Variants in TASP1 observed in about 807,000 individuals in gnomAD.
TASP1 encodes the protein threonine aspartase 1.
TASP1 carries 16 observed loss-of-function variants against 56.6 expected under a neutral mutation model. The ratio of observed to expected loss-of-function variants is 0.28; its 90% CI spans 0.19 to 0.43. The LOEUF is 0.43. Ranked by LOEUF, TASP1 falls within the 20% of genes least tolerant of loss-of-function variation. The probability of loss-of-function intolerance (pLI) is 1.00; values close to 1 mark genes in which losing one functional copy is unlikely to be tolerated. For synonymous variants in TASP1, 179 were observed against 184.2 expected (o/e 0.97, Z 0.23); for missense variants, 393 against 511.6 (o/e 0.77, Z 2.24).
At chr20:13,292,676 C>T in the TASP1 span, among the ~76,000 whole-genome samples, 1 of 152,160 alleles carries the variant, frequency 6.6e-6, no homozygotes, top group Non-Finnish European at 1.5e-5. Context: ...TCTGTGTTCA[C>T]TCTGCTCTCT....
chr20:13,339,728 AT>A, the TASP1 span, among the ~76,000 whole-genome samples: 1 of 152,052 alleles, frequency 6.6e-6, no homozygotes, highest in East Asian at 1.9e-4. Flanking sequence ...AAGTGACAGT[AT>A]GTCAACCTTT....
the TASP1 span, among the ~76,000 whole-genome samples, chr20:13,236,894 T>C: frequency 0.067 from 10,249 of 152,304 alleles, 477 homozygotes; most frequent in Middle Eastern, 0.14. Flanking sequence ...GGGTACAGCC[T>C]CCCTCCAGCT....
intron 12 of TASP1, among the ~76,000 whole-genome samples, chr20:13,421,891 G>A (rs2042446447): frequency 1.3e-5 from 2 of 151,582 alleles, no homozygotes; most frequent in Non-Finnish European, 2.9e-5. Flanking sequence ...CAAATCTCTG[G>A]TCAAAACATT....
At chr20:13,526,154 G>A (rs993748386) in intron 10 of TASP1, among the ~76,000 whole-genome samples, 2 of 152,112 alleles carry the variant, frequency 1.3e-5, no homozygotes, top group Admixed American at 6.6e-5. Context: ...AATAAGGGTA[G>A]GGGACTGGTG....
chr20:13,471,229 A>C (rs1053523801), intron 11 of TASP1, among the ~76,000 whole-genome samples: 7 of 152,136 alleles, frequency 4.6e-5, no homozygotes, highest in Non-Finnish European at 7.4e-5. Flanking sequence ...ATGACATGTG[A>C]GCAGATCTGG....
chr20:13,551,099 T>C (rs1192131489), intron 8 of TASP1, among the ~76,000 whole-genome samples: 1 of 152,166 alleles, frequency 6.6e-6, no homozygotes, highest in African/African-American at 2.4e-5. Flanking sequence ...TGTGGCCAAT[T>C]TGATGTCCCT....
the TASP1 span, among the ~76,000 whole-genome samples, chr20:13,107,846 C>T: frequency 6.6e-6 from 1 of 150,528 alleles, no homozygotes; most frequent in East Asian, 1.9e-4. Flanking sequence ...AGGTAGCATA[C>T]TATATCTAAT....
chr20:13,632,139 C>T (rs1377279415), intron 1 of TASP1, among the ~76,000 whole-genome samples: 1 of 143,956 alleles, frequency 6.9e-6, no homozygotes, highest in East Asian at 2.1e-4. Context: ...CCGAGGCAGG[C>T]AGATCACAAG....
At chr20:13,258,883 T>C in the TASP1 span, among the ~76,000 whole-genome samples, 12 of 152,158 alleles carry the variant, frequency 7.9e-5, no homozygotes, top group Admixed American at 2.6e-4. Context: ...TGGTTCCGGC[T>C]TGTCAGTGCA....
chr20:13,407,482 G>T (rs2041964866), intron 13 of TASP1, among the ~76,000 whole-genome samples: 2 of 152,132 alleles, frequency 1.3e-5, no homozygotes, highest in African/African-American at 4.8e-5. Flanking sequence ...ATCAGTTGAT[G>T]GGCATTTGGA....
Position 13,524,847 on chromosome 20 carries a change from G to A in TASP1, c.874+3586C>T, listed in dbSNP as rs180777413. Among the ~76,000 whole-genome samples, 7 of 152,250 alleles carry A rather than the reference G, an allele frequency of 4.6e-5. No individual in the cohort carries two copies. In the East Asian group the frequency reaches 9.7e-4, roughly 21 times the overall value. ...TGTGTTGACCCTTCAGTTACGTGCCGTGTTGGAACTACATGTGTTGAGTTA... is the reference window on the plus strand; with the variant it reads ...TGTGTTGACCCTTCAGTTACGTGCCATGTTGGAACTACATGTGTTGAGTTA... On this transcript the variant is annotated intron_variant, in intron 10 of 13. Coordinates refer to ENST00000337743, the MANE Select transcript of TASP1 (RefSeq NM_017714.3).
chr20:13,163,559 A>G, the TASP1 span, among the ~76,000 whole-genome samples: 114 of 152,240 alleles, frequency 7.5e-4, no homozygotes, highest in African/African-American at 2.6e-3. Flanking sequence ...AACTTTGGTT[A>G]CTTTTTCTTA....
At chr20:13,260,171 C>T in the TASP1 span, among the ~76,000 whole-genome samples, 23 of 152,150 alleles carry the variant, frequency 1.5e-4, no homozygotes, top group Non-Finnish European at 2.8e-4. Flanking sequence ...GAACAGGTGC[C>T]GGTGGCAGGA....
In TASP1 at chr20:13,589,596, C is replaced by T. The variant is rs76957291; in HGVS notation, c.283-2226G>A. ...ACCAAAAATACAACCAAAGAAAAAA[C>T]TAGGTAAATAGGACTTCATCAAAAT... On this transcript the variant is annotated intron_variant, in intron 4 of 13. Transcript: ENST00000337743. Among the ~76,000 whole-genome samples, 1,247 of 151,814 alleles carry T rather than the reference C, an allele frequency of 8.2e-3. 16 individuals are homozygous for T. The highest frequency in any genetic ancestry group is 0.026 in the African/African-American group (1,096 of 41,392).
chr20:13,425,057 C>T (rs1231951613), intron 12 of TASP1, among the ~76,000 whole-genome samples: 2 of 152,190 alleles, frequency 1.3e-5, no homozygotes, highest in African/African-American at 4.8e-5. Flanking sequence ...TAAGAACCTT[C>T]AGGATGTATT....
chr20:13,139,433 T>C, the TASP1 span, among the ~76,000 whole-genome samples: 2 of 152,220 alleles, frequency 1.3e-5, no homozygotes, highest in Non-Finnish European at 2.9e-5. Flanking sequence ...GGTGTTTCTG[T>C]TGGGCAAGAC....
chr20:13,443,026 A>C (rs2043278626), intron 11 of TASP1, among the ~76,000 whole-genome samples: 1 of 152,170 alleles, frequency 6.6e-6, no homozygotes, highest in African/African-American at 2.4e-5. Context: ...GTGAGGACTG[A>C]ATTTGTATGT....
At chr20:13,209,057 T>C in the TASP1 span, among the ~76,000 whole-genome samples, 2 of 152,178 alleles carry the variant, frequency 1.3e-5, no homozygotes, top group Non-Finnish European at 2.9e-5. Context: ...AAACCTTATA[T>C]GTGCTTGTGT....
the TASP1 span, among the ~76,000 whole-genome samples, chr20:13,208,644 G>A: frequency 1.3e-5 from 2 of 152,168 alleles, no homozygotes; most frequent in South Asian, 4.1e-4. Context: ...TCTGAGTATA[G>A]GCTCGCATCT....
Sources: allele counts gnomAD v4.1 joint callset (sites outside exome capture counted in the v4.1 genomes callset), GRCh38; gene constraint gnomAD v4.1.1; transcripts MANE v1.5; gene names NCBI Gene and HGNC (gene_info 2026-07-23, HGNC 2026-07-21).